The following SYN3 variants were observed in gnomAD, a reference collection of about 807,000 sequenced individuals.
The protein encoded by SYN3 is synapsin III, also known as synapsin-3.
In SYN3, 35 loss-of-function variants were observed where a neutral mutation model predicts 65.8. The ratio of observed to expected loss-of-function variants is 0.53; its 90% CI spans 0.41 to 0.70. The LOEUF (loss-of-function observed/expected upper bound fraction) is 0.70, where lower values mean the gene tolerates loss of function less well. Among genes scored for constraint, SYN3 ranks in the 30% least tolerant of loss-of-function variants. The probability of loss-of-function intolerance (pLI) is 0.00; values close to 1 mark genes in which losing one functional copy is unlikely to be tolerated. For synonymous variants in SYN3, 270 were observed against 292.9 expected, an observed-to-expected ratio of 0.92 and a Z score of 0.80; for missense variants, 680 against 749.0, an observed-to-expected ratio of 0.91 and a Z score of 1.08.
At chr22:33,015,129 G>C in intron 1 of SYN3, 1 of 184,554 alleles carries the variant, frequency 5.4e-6, no homozygotes, top group South Asian at 1.1e-4. Flanking sequence ...GCTGAGGCAG[G>C]AGAATGGAGT....
At chr22:32,866,868 C>T (rs2048700705) in intron 5 of SYN3, among the ~76,000 whole-genome samples, 2 of 152,210 alleles carry the variant, frequency 1.3e-5, no homozygotes, top group Admixed American at 1.3e-4. Flanking sequence ...TGTTCCAACT[C>T]TACATGGAAC....
chr22:32,605,314 G>A (rs1267753303), intron 6 of SYN3, among the ~76,000 whole-genome samples: 3 of 152,158 alleles, frequency 2.0e-5, no homozygotes, highest in African/African-American at 7.2e-5. Context: ...TGGCAAGCTT[G>A]GGAAGGGCCT....
At position 32,959,546 on chromosome 22, in the gene SYN3, G is replaced by A. The variant is rs113283121; in HGVS notation, c.369+21099C>T. Among the ~76,000 whole-genome samples the A allele has an allele frequency of 9.8e-3, 1,480 of 151,016 alleles. 21 individuals carry two copies. Among genetic ancestry groups the A allele is most frequent in the African/African-American group, 0.034 (1,413 of 41,152 alleles). The stretch of plus-strand genomic sequence containing the variant: ...AGCCTGGGTGACAGAGTGAGACACT[G>A]TCTCAGAAAAAAAAAAGAATTACTT... On this transcript the variant is annotated intron_variant, in intron 3 of 13. Transcript: ENST00000358763.
At chr22:32,649,494 G>C (rs960461050) in intron 6 of SYN3, among the ~76,000 whole-genome samples, 3 of 152,142 alleles carry the variant, frequency 2.0e-5, no homozygotes, top group Non-Finnish European at 2.9e-5. Flanking sequence ...CTTTGAGAAA[G>C]CCCTCCTGGT....
At chr22:32,963,145 C>T (rs948045657) in intron 3 of SYN3, among the ~76,000 whole-genome samples, 11 of 150,298 alleles carry the variant, frequency 7.3e-5, no homozygotes, top group African/African-American at 1.2e-4. Flanking sequence ...GATGCAATCT[C>T]GGCTCACTGC....
intron 6 of SYN3, among the ~76,000 whole-genome samples, chr22:32,633,108 A>G (rs2059768469): frequency 6.6e-6 from 1 of 152,216 alleles, no homozygotes; most frequent in South Asian, 2.1e-4. Flanking sequence ...ATAACCGCAC[A>G]TTGCCTCATA....
At chr22:32,900,323 T>A (rs2049721946) in intron 4 of SYN3, among the ~76,000 whole-genome samples, 1 of 152,202 alleles carries the variant, frequency 6.6e-6, no homozygotes, top group Non-Finnish European at 1.5e-5. Context: ...ATCCTCTTCA[T>A]CTTTTCAGCC....
intron 13 of SYN3, among the ~76,000 whole-genome samples, chr22:32,516,045 C>G (rs1048683785): frequency 3.3e-5 from 5 of 152,052 alleles, no homozygotes; most frequent in African/African-American, 7.2e-5. Flanking sequence ...TGATCCGCCC[C>G]CCTCCACCTC....
rs1013949800 is a variant in SYN3 at position 33,042,154 on chromosome 22, A to G, written c.-163+16138T>C. Among the ~76,000 whole-genome samples the G allele has an allele frequency of 2.6e-5, 4 of 152,254 alleles. No individual in the cohort carries two copies. The East Asian group carries it at 7.7e-4, about 29-fold the overall frequency. ...CTGCAAACCAGGAAAAAGGGCCCTCAAGCAGAACCTGACCAGTCTGGTACC... is the reference window on the plus strand; with the variant it reads ...CTGCAAACCAGGAAAAAGGGCCCTCGAGCAGAACCTGACCAGTCTGGTACC... On this transcript the variant is annotated intron_variant, in intron 1 of 13. Transcript: ENST00000358763.
chr22:32,705,139 C>T (rs982619125), intron 6 of SYN3, among the ~76,000 whole-genome samples: 11 of 152,148 alleles, frequency 7.2e-5, no homozygotes, highest in African/African-American at 2.4e-4. Context: ...GTTCCTATGT[C>T]CAGAATGGTA....
intron 4 of SYN3, among the ~76,000 whole-genome samples, chr22:32,872,768 G>T (rs1317928305): frequency 6.6e-6 from 1 of 152,054 alleles, no homozygotes; most frequent in African/African-American, 2.4e-5. Flanking sequence ...GGGTGGCCAA[G>T]TCCTGCAGTC....
chr22:32,911,903 A>G (rs1279389180), intron 4 of SYN3, among the ~76,000 whole-genome samples: 1 of 152,210 alleles, frequency 6.6e-6, no homozygotes, highest in East Asian at 1.9e-4. Flanking sequence ...GGCATGGTGT[A>G]GTTGTCAGAA....
chr22:32,827,192 G>A (rs1469875951), intron 6 of SYN3, among the ~76,000 whole-genome samples: 2 of 152,208 alleles, frequency 1.3e-5, no homozygotes, highest in Admixed American at 6.5e-5. Flanking sequence ...GGAATTCAGC[G>A]AGTGACTTTG....
Position 32,518,110 on chromosome 22 carries a change from G to A in SYN3, c.1543C>T (p.Gln515Ter). 5.0e-6 allele frequency: 8 copies of A among 1,589,790 alleles called. No individual in the cohort carries two copies. The highest frequency in any genetic ancestry group is 6.8e-6 in the Non-Finnish European group (8 of 1,168,204). Residue 515 changes from glutamine to a stop codon, truncating the protein, a stop_gained, in exon 13 of 14, where the codon CAG becomes TAG. Transcript: ENST00000358763. LOFTEE classifies it high-confidence loss of function. ...TLASQPRPPV[Q>*]GRSTSQQGEE... ...CCCTGCTGGGAGGTACTACGGCCCT[G>A]CACAGGGGGCCGGGGCTGTGAGGCG...
At chr22:33,041,331 G>A (rs913702461) in intron 1 of SYN3, among the ~76,000 whole-genome samples, 4 of 140,830 alleles carry the variant, frequency 2.8e-5, no homozygotes, top group East Asian at 2.2e-4. Flanking sequence ...TTGCTCTGTC[G>A]CCAGGCTGGA....
chr22:32,602,459 T>C (rs1375536681), intron 6 of SYN3, among the ~76,000 whole-genome samples: 1 of 143,182 alleles, frequency 7.0e-6, no homozygotes, highest in Non-Finnish European at 1.5e-5. Context: ...TTTTGTTTTG[T>C]TTGTTTGTTT....
intron 2 of SYN3, among the ~76,000 whole-genome samples, chr22:32,996,392 C>T (rs1002558218): frequency 2.0e-5 from 3 of 152,164 alleles, no homozygotes; most frequent in Non-Finnish European, 2.9e-5. Context: ...TCTCACTGGA[C>T]ACTTCATAAC....
intron 6 of SYN3, among the ~76,000 whole-genome samples, chr22:32,729,984 A>G (rs1285074124): frequency 2.6e-5 from 4 of 152,192 alleles, no homozygotes; most frequent in South Asian, 4.1e-4. Context: ...ACTGCTTTCT[A>G]TAATACTACT....
chr22:32,754,771 A>G (rs1379759654), intron 6 of SYN3, among the ~76,000 whole-genome samples: 3 of 152,224 alleles, frequency 2.0e-5, no homozygotes, highest in Non-Finnish European at 2.9e-5. Context: ...GAGCGTCTCC[A>G]TGTAACATTG....
Sources: allele counts gnomAD v4.1 joint callset (sites outside exome capture counted in the v4.1 genomes callset), GRCh38; gene constraint gnomAD v4.1.1; transcripts MANE v1.5; gene names NCBI Gene and HGNC (gene_info 2026-07-23, HGNC 2026-07-21).